Variants in BCKDHB observed in about 807,000 individuals in gnomAD.
The protein encoded by BCKDHB is branched chain keto acid dehydrogenase E1 subunit beta.
BCKDHB carries 41 observed loss-of-function variants against 48.5 expected under a neutral mutation model. That is an observed-to-expected ratio of 0.85 (90% CI 0.66 to 1.10). The LOEUF (loss-of-function observed/expected upper bound fraction) is 1.10. BCKDHB is among the 50% of genes least tolerant of loss of function. The pLI, the probability that BCKDHB is intolerant of heterozygous loss-of-function variation, is 0.00. For synonymous variants in BCKDHB, 201 were observed against 174.8 expected, an observed-to-expected ratio of 1.15 and a Z score of -1.18; for missense variants, 496 against 494.2, an observed-to-expected ratio of 1.00 and a Z score of -0.03.
At chr6:80,405,808 C>G in the BCKDHB span, among the ~76,000 whole-genome samples, 1 of 152,036 alleles carries the variant, frequency 6.6e-6, no homozygotes, top group Admixed American at 6.6e-5. Context: ...AAACATGAAA[C>G]TCTACACTTC....
At chr6:80,306,685 A>G (rs1425368226) in intron 9 of BCKDHB, among the ~76,000 whole-genome samples, 1 of 152,234 alleles carries the variant, frequency 6.6e-6, no homozygotes, top group Non-Finnish European at 1.5e-5. Flanking sequence ...AATTATGGAA[A>G]CAGATAAATC....
the BCKDHB span, among the ~76,000 whole-genome samples, chr6:80,431,829 A>G: frequency 1.3e-5 from 2 of 152,140 alleles, no homozygotes; most frequent in Non-Finnish European, 2.9e-5. Context: ...ATTTAAGATT[A>G]ATCTATTGTC....
chr6:80,285,419 T>C (rs1195587452), intron 9 of BCKDHB, among the ~76,000 whole-genome samples: 3 of 152,170 alleles, frequency 2.0e-5, no homozygotes, highest in Non-Finnish European at 4.4e-5. Flanking sequence ...ATAAAACCCG[T>C]GTACTTTATA....
At chr6:80,321,864 A>T (rs1768744711) in intron 9 of BCKDHB, among the ~76,000 whole-genome samples, 1 of 152,200 alleles carries the variant, frequency 6.6e-6, no homozygotes, top group Non-Finnish European at 1.5e-5. Flanking sequence ...CCTGCAATTG[A>T]TGGAAAAATA....
intron 9 of BCKDHB, among the ~76,000 whole-genome samples, chr6:80,334,750 A>T (rs1689172526): frequency 6.6e-6 from 1 of 151,996 alleles, no homozygotes; most frequent in Admixed American, 6.6e-5. Context: ...TATGTTTAGC[A>T]AGTCCTTTGC....
At chr6:80,254,349 T>G (rs1435072901) in intron 8 of BCKDHB, among the ~76,000 whole-genome samples, 1 of 152,078 alleles carries the variant, frequency 6.6e-6, no homozygotes, top group East Asian at 1.9e-4. Context: ...TATTATGAAG[T>G]GTGATTGTAA....
intron 9 of BCKDHB, among the ~76,000 whole-genome samples, chr6:80,289,614 A>G (rs1400582256): frequency 6.6e-6 from 1 of 152,108 alleles, no homozygotes; most frequent in Admixed American, 6.5e-5. Context: ...GCTAGTTCCC[A>G]GCCCCGAATG....
At chr6:80,361,939 T>G in the BCKDHB span, among the ~76,000 whole-genome samples, 1 of 152,084 alleles carries the variant, frequency 6.6e-6, no homozygotes, top group Non-Finnish European at 1.5e-5. Flanking sequence ...AAAGTCCACA[T>G]TTTATGTAGA....
intron 3 of BCKDHB, chr6:80,136,030 T>G (rs1400900262): frequency 6.6e-6 from 1 of 152,214 alleles, no homozygotes; most frequent in East Asian, 1.9e-4. Flanking sequence ...AATATTGTGT[T>G]GTATGCATAT....
the BCKDHB span, among the ~76,000 whole-genome samples, chr6:80,391,913 T>C: frequency 3.8e-3 from 575 of 152,284 alleles, 7 homozygotes; most frequent in African/African-American, 0.013. Context: ...TTTTTTTCTT[T>C]GTCCTTTTTA....
chr6:80,410,180 G>A, the BCKDHB span, among the ~76,000 whole-genome samples: 1 of 152,130 alleles, frequency 6.6e-6, no homozygotes, highest in Non-Finnish European at 1.5e-5. Flanking sequence ...TGTCTCTAAA[G>A]GATTTTATTT....
chr6:80,305,732 C>A (rs723307), intron 9 of BCKDHB, among the ~76,000 whole-genome samples: 121,397 of 152,104 alleles, frequency 0.8, 48,625 homozygotes, highest in Admixed American at 0.87. Flanking sequence ...CCTTAAGAGA[C>A]CCCAAAACAC....
At chr6:80,425,988 G>T in the BCKDHB span, among the ~76,000 whole-genome samples, 79 of 152,244 alleles carry the variant, frequency 5.2e-4, no homozygotes, top group African/African-American at 1.9e-3. Context: ...GCTGACATGG[G>T]TCTGGTGCAG....
intron 6 of BCKDHB, among the ~76,000 whole-genome samples, chr6:80,187,328 TATC>T (rs1202134559): frequency 6.6e-6 from 1 of 152,208 alleles, no homozygotes; most frequent in African/African-American, 2.4e-5. Context: ...TTGCTATTAT[TATC>T]ATATAAAAAT....
At chr6:80,206,491 G>A (rs925786304) in intron 8 of BCKDHB, among the ~76,000 whole-genome samples, 1 of 151,800 alleles carries the variant, frequency 6.6e-6, no homozygotes, top group Non-Finnish European at 1.5e-5. Context: ...GGAACATAGA[G>A]AAAATAAGGA....
At chr6:80,459,545 A>T in the BCKDHB span, among the ~76,000 whole-genome samples, 1 of 152,284 alleles carries the variant, frequency 6.6e-6, no homozygotes, top group African/African-American at 2.4e-5. Flanking sequence ...GAATCTAGAG[A>T]TCTGCTGTAC....
intron 8 of BCKDHB, among the ~76,000 whole-genome samples, chr6:80,233,415 G>A (rs1776015997): frequency 6.6e-6 from 1 of 152,096 alleles, no homozygotes; most frequent in Admixed American, 6.6e-5. Flanking sequence ...TCCCAACTAA[G>A]AATCAAAATT....
At chr6:80,245,591 A>C (rs1194300429) in intron 8 of BCKDHB, among the ~76,000 whole-genome samples, 1 of 152,172 alleles carries the variant, frequency 6.6e-6, no homozygotes, top group African/African-American at 2.4e-5. Flanking sequence ...GTTGAGACTA[A>C]TGGAATTAGA....
intron 1 of BCKDHB, among the ~76,000 whole-genome samples, chr6:80,125,559 C>T (rs550628749): frequency 3.9e-5 from 6 of 152,114 alleles, no homozygotes; most frequent in Admixed American, 2.0e-4. Flanking sequence ...TTCTAACTTA[C>T]GATTTAAAGT....
Sources: allele counts gnomAD v4.1 joint callset (sites outside exome capture counted in the v4.1 genomes callset), GRCh38; gene constraint gnomAD v4.1.1; transcripts MANE v1.5; gene names NCBI Gene and HGNC (gene_info 2026-07-23, HGNC 2026-07-21).